Variants in POGLUT3 observed in about 807,000 individuals in gnomAD.
POGLUT3 encodes the protein KDEL (Lys-Asp-Glu-Leu) containing 2.
POGLUT3 carries 48 observed loss-of-function variants against 54.3 expected under a neutral mutation model. The observed-to-expected ratio is 0.88, with a 90% CI of 0.70 to 1.12. POGLUT3 has a LOEUF of 1.12. Ranked by LOEUF, POGLUT3 falls within the 50% of genes most tolerant of loss-of-function variation. The probability of loss-of-function intolerance (pLI) is 0.00; values close to 1 mark genes in which losing one functional copy is unlikely to be tolerated. For synonymous variants in POGLUT3, 218 were observed against 237.4 expected, an observed-to-expected ratio of 0.92 and a Z score of 0.75; for missense variants, 629 against 618.7, an observed-to-expected ratio of 1.02 and a Z score of -0.18.
chr11:108,481,941 T>C (rs2093593468), intron 4 of POGLUT3, 65 bp downstream of exon 4: 2 of 1,241,308 alleles, frequency 1.6e-6, no homozygotes, highest in African/African-American at 3.0e-5. Context: ...TGCAAACATA[T>C]ATGTATAACC....
intron 2 of POGLUT3, among the ~76,000 whole-genome samples, chr11:108,489,496 A>G (rs2093609306): frequency 6.6e-6 from 1 of 152,218 alleles, no homozygotes; most frequent in South Asian, 2.1e-4. Context: ...ATGAACAAAG[A>G]TAAGGAAAAT....
intron 3 of POGLUT3, among the ~76,000 whole-genome samples, chr11:108,485,490 G>A (rs2093601270): frequency 6.6e-6 from 1 of 151,798 alleles, no homozygotes; most frequent in Non-Finnish European, 1.5e-5. Context: ...AAATGAGACT[G>A]TTCTGTTTGG....
At chr11:108,475,203 A>G (rs1386156219) in intron 7 of POGLUT3, among the ~76,000 whole-genome samples, 1 of 152,160 alleles carries the variant, frequency 6.6e-6, no homozygotes, top group East Asian at 1.9e-4. Context: ...AAGCCTCTAC[A>G]AAAGGGATGC....
chr11:108,489,651 G>A (rs561977050), intron 2 of POGLUT3, among the ~76,000 whole-genome samples: 119 of 152,312 alleles, frequency 7.8e-4, no homozygotes, highest in Non-Finnish European at 1.4e-3. Context: ...GCCGGGCATG[G>A]TGGCTCATGC....
At chr11:108,495,214 T>G (rs2135867326) in intron 1 of POGLUT3, among the ~76,000 whole-genome samples, 1 of 152,354 alleles carries the variant, frequency 6.6e-6, no homozygotes, top group African/African-American at 2.4e-5. Flanking sequence ...ATTAGTTCTT[T>G]TGTGTGTGTG....
intron 3 of POGLUT3, among the ~76,000 whole-genome samples, chr11:108,484,940 G>C (rs1221887120): frequency 6.6e-6 from 1 of 152,086 alleles, no homozygotes; most frequent in African/African-American, 2.4e-5. Flanking sequence ...AGGCTGAATA[G>C]TGAGATAAGG....
chr11:108,481,504 A>G, intron 4 of POGLUT3, 128 bp from the exon 5 acceptor site: 3 of 701,402 alleles, frequency 4.3e-6, no homozygotes, highest in Non-Finnish European at 4.3e-6. Flanking sequence ...CATCTTCTAA[A>G]GTAGATGTTA....
At position 108,473,035 on chromosome 11, in the gene POGLUT3, G is replaced by A. The variant is rs956252275; in HGVS notation, c.*1792C>T. On this transcript the variant is annotated 3_prime_UTR_variant, in exon 8 of 8. Transcript: ENST00000323468. The stretch of plus-strand genomic sequence containing the variant: ...TTTTCCAGATTAAGTAAATATTTCA[G>A]TTAGGAGAATACATATTTTTATTTT... 1.3e-5 allele frequency: 2 copies of A among 152,122 alleles called. No individual in the cohort carries two copies. Among genetic ancestry groups the A allele is most frequent in the African/African-American group, 4.8e-5 (2 of 41,426 alleles). The allele number at this position is 152,122 out of a possible 1,614,324, so 9.4% of individuals were successfully genotyped here.
intron 1 of POGLUT3, 75 bp from the exon 2 acceptor site, chr11:108,491,242 G>A (rs750646341): frequency 7.5e-6 from 9 of 1,203,258 alleles, no homozygotes. Context: ...GGTGTTATTG[G>A]ATAACTTAAA....
At chr11:108,480,320 A>C (rs564825998) in intron 5 of POGLUT3, among the ~76,000 whole-genome samples, 12 of 152,370 alleles carry the variant, frequency 7.9e-5, no homozygotes, top group African/African-American at 2.9e-4. Flanking sequence ...CAATGCTGGC[A>C]ACATAGTAGG....
chr11:108,482,123 A>G lies in POGLUT3; in HGVS notation c.784T>C (p.Trp262Arg). The G allele has an allele frequency of 2.5e-6, 4 of 1,614,062 alleles. No individual in the cohort carries two copies. The highest frequency in any genetic ancestry group is 3.4e-6 in the Non-Finnish European group (4 of 1,179,908). ...GTPSPIPIISWCGSLDSRDVV... is the reference protein window; with the variant it reads ...GTPSPIPIISRCGSLDSRDVV... ...TCTCTTGAATCCAGAGAGCCACACC[A>G]TGAAATGATAGGTATGGGGCTAGGG... is the stretch of plus-strand genomic sequence containing the variant. Residue 262 changes from tryptophan (W) to arginine (R), a missense_variant, in exon 4 of 8, where the codon TGG (tryptophan) becomes CGG (arginine). By Grantham distance (101) the Trp-to-Arg change is moderately radical. Transcript: ENST00000323468.
intron 2 of POGLUT3, among the ~76,000 whole-genome samples, chr11:108,490,399 C>A (rs2093611038): frequency 6.6e-6 from 1 of 152,036 alleles, no homozygotes; most frequent in South Asian, 2.1e-4. Flanking sequence ...CGGGGTTTCA[C>A]CATGTTGCCC....
chr11:108,496,265 A>C (rs2093622082), intron 1 of POGLUT3, among the ~76,000 whole-genome samples: 1 of 151,962 alleles, frequency 6.6e-6, no homozygotes, highest in African/African-American at 2.4e-5. Context: ...AGGCTGCAGT[A>C]GCTATGACTG....
chr11:108,484,673 T>C (rs924172900), intron 3 of POGLUT3, among the ~76,000 whole-genome samples: 6 of 152,100 alleles, frequency 3.9e-5, no homozygotes, highest in African/African-American at 1.2e-4. Context: ...GGAGAATCGC[T>C]TGAACCCAGG....
At chr11:108,487,054 A>T (rs1276257229) in intron 2 of POGLUT3, 1 of 152,358 alleles carries the variant, frequency 6.6e-6, no homozygotes, top group Admixed American at 6.5e-5. Context: ...CCTCATCTGC[A>T]TGATAAAATC....
intron 2 of POGLUT3, 151 bp downstream of exon 2, chr11:108,490,819 C>G: frequency 1.8e-6 from 1 of 552,486 alleles, no homozygotes; most frequent in Non-Finnish European, 3.2e-6. Context: ...ACTTAATTTT[C>G]TTTCCCTTAA....
intron 3 of POGLUT3, 97 bp downstream of exon 3, chr11:108,486,060 C>A: frequency 2.0e-6 from 2 of 1,002,804 alleles, no homozygotes; most frequent in South Asian, 3.3e-5. Context: ...CATTTCTCAG[C>A]CTGAAATCTG....
In POGLUT3 at chr11:108,481,224, C is replaced by T. The variant is rs1348257260; in HGVS notation, c.1054G>A (p.Glu352Lys). ...CCCATCAACTTGGCTTTTCCAAGCTCCTTTTCTTTCTCTTGGAAAAAGAAA... is the reference window on the plus strand; with the variant it reads ...CCCATCAACTTGGCTTTTCCAAGCTTCTTTTCTTTCTCTTGGAAAAAGAAA... Reference protein sequence around the residue: ...GYFFFQEKEKELGKAKLMGFF... With the variant: ...GYFFFQEKEKKLGKAKLMGFF... The change falls in exon 5 of 8, where the codon GAG becomes AAG. Residue 352 changes from glutamate (E) to lysine (K), a missense_variant. By Grantham distance (56) the Glu-to-Lys change is moderately conservative (BLOSUM62 1). Transcript: ENST00000323468. The T allele has an allele frequency of 3.1e-6, 5 of 1,610,694 alleles. No homozygotes were observed. Among genetic ancestry groups the T allele is most frequent in the Non-Finnish European group, 8.5e-7 (1 of 1,179,154 alleles).
intron 5 of POGLUT3, 45 bp downstream of exon 5, chr11:108,481,135 C>G (rs773577584): frequency 6.8e-7 from 1 of 1,469,902 alleles, no homozygotes; most frequent in Non-Finnish European, 9.2e-7. Context: ...ACTTTTAATA[C>G]AATTTTATCG....
Sources: gnomAD v4.1 joint callset for allele counts (sites outside exome capture counted in the v4.1 genomes callset) on GRCh38, gnomAD v4.1.1 for gene constraint, MANE v1.5 for transcripts, NCBI Gene and HGNC (gene_info 2026-07-23, HGNC 2026-07-21) for gene names.